The following RNF213 variants were observed in gnomAD, a reference collection of about 807,000 sequenced individuals.
RNF213 encodes ring finger protein 213.
Under a neutral mutation model 514.4 loss-of-function variants are expected in RNF213, and 341 were observed. The ratio of observed to expected loss-of-function variants is 0.66; its 90% CI spans 0.61 to 0.73. RNF213 has a LOEUF of 0.73. RNF213 is among the 30% of genes least tolerant of loss of function. The pLI, the probability that RNF213 is intolerant of heterozygous loss-of-function variation, is 0.00. For missense variants in RNF213, 5,767 were observed against 6,615.6 expected (o/e 0.87, Z 4.45); for synonymous variants, 2,655 against 2,658.2 (o/e 1.00, Z 0.04).
intron 3 of RNF213, among the ~76,000 whole-genome samples, chr17:80,280,196 G>C (rs1016692119): frequency 1.3e-5 from 2 of 152,194 alleles, no homozygotes; most frequent in African/African-American, 4.8e-5. Flanking sequence ...GCACAGTGTG[G>C]GTGGAGAGCT....
intron 3 of RNF213, among the ~76,000 whole-genome samples, chr17:80,277,229 A>T (rs2044095154): frequency 6.6e-6 from 1 of 152,120 alleles, no homozygotes; most frequent in Admixed American, 6.6e-5. Flanking sequence ...GAGACAGAAC[A>T]CAGATTAGTG....
At chr17:80,385,877 G>A (rs763699377) in intron 61 of RNF213, among the ~76,000 whole-genome samples, 5 of 152,128 alleles carry the variant, frequency 3.3e-5, no homozygotes, top group Non-Finnish European at 4.4e-5. Context: ...TGTTGCCCAG[G>A]CTGGTCTCAA....
intron 38 of RNF213, 124 bp downstream of exon 38, chr17:80,360,330 T>A (rs2079008238): frequency 1.7e-6 from 2 of 1,144,602 alleles, no homozygotes. Context: ...GTTTTCACAC[T>A]TTGTTTGTGC....
At chr17:80,275,909 G>A (rs891057075) in intron 3 of RNF213, among the ~76,000 whole-genome samples, 24 of 150,802 alleles carry the variant, frequency 1.6e-4, no homozygotes, top group Admixed American at 1.1e-3. Context: ...TGATCCACCC[G>A]CCTCGGCCTC....
chr17:80,356,871 T>C (rs1225537532), intron 36 of RNF213, among the ~76,000 whole-genome samples: 1 of 152,016 alleles, frequency 6.6e-6, no homozygotes, highest in Non-Finnish European at 1.5e-5. Flanking sequence ...TTCTTTTTAT[T>C]CTCTTCAAAA....
rs559462216 is a variant in RNF213 at position 80,353,074 on chromosome 17, G to A, written c.10423+15G>A. 3.4e-5 allele frequency: 54 copies of A among 1,610,212 alleles called. No individual in the cohort carries two copies. The South Asian group carries it at 4.3e-4, about 13-fold the overall frequency. On this transcript the variant is annotated intron_variant, in intron 33 of 67. Transcript: ENST00000582970. This position sits in a 1 kb window ranked among gnomAD's most constrained non-coding sequence, Gnocchi z 5.0. Reference sequence around the variant, plus strand: ...CTTGCCTGAGCGTGAGTCACGAGGCGGAGCCCCTGGGGGAGCAGGTGGTGG... The same window carrying A: ...CTTGCCTGAGCGTGAGTCACGAGGCAGAGCCCCTGGGGGAGCAGGTGGTGG...
rs1377861655 is a variant in RNF213, at chr17:80,263,905, AC to A, written c.97+128del. The A allele has an allele frequency of 1.4e-6, 1 of 729,424 alleles. No individual in the cohort carries two copies. 45.2% of individuals were successfully genotyped at this position (729,424 alleles called of 1,614,324 possible). A position where few individuals can be genotyped will look rare whatever the true frequency, so the allele number is the denominator to read the frequency against. On this transcript the variant is annotated intron_variant, in intron 2 of 67. Coordinates refer to ENST00000582970, the MANE Select transcript of RNF213 (RefSeq NM_001256071.3). This position sits in a 1 kb window ranked among gnomAD's most constrained non-coding sequence, Gnocchi z 4.9. ...GGTGGGGCCGAGGTCCTCTGTGGCTACTGAGGCTCTGTGGCTCTGAATAGCC... is the reference window on the plus strand; with the variant it reads ...GGTGGGGCCGAGGTCCTCTGTGGCTATGAGGCTCTGTGGCTCTGAATAGCC...
At chr17:80,285,860 T>C (rs2044454326) in intron 3 of RNF213, among the ~76,000 whole-genome samples, 1 of 152,094 alleles carries the variant, frequency 6.6e-6, no homozygotes, top group South Asian at 2.1e-4. Flanking sequence ...TTAGTAGAGA[T>C]GGGGAGGATC....
At chr17:80,390,264 T>C (rs892704386) in intron 67 of RNF213, 68 bp downstream of exon 67, 4 of 1,506,390 alleles carry the variant, frequency 2.7e-6, no homozygotes, top group Admixed American at 1.7e-5. Flanking sequence ...TGATCTTCTA[T>C]AGACACAAAA....
chr17:80,303,067 TC>T (rs1198610582), intron 11 of RNF213, among the ~76,000 whole-genome samples: 1 of 152,224 alleles, frequency 6.6e-6, no homozygotes, highest in African/African-American at 2.4e-5. Flanking sequence ...AAGAGCACCT[TC>T]CTTGTGCCAG....
rs766402911 is a variant in RNF213, at chr17:80,372,647, T to A, written c.12664T>A (p.Ser4222Thr). ...GGGCCGAGAGCCTGCCAACGAGGCC[T>A]CGGTTGAATACCTGCAAGAGGTGGC... is the stretch of plus-strand genomic sequence containing the variant. The part of the protein sequence containing the change: ...SRGREPANEA[S>T]VEYLQEVARI... Residue 4222 changes from serine to threonine, a missense_variant, in exon 48 of 68, where the codon TCG (serine) becomes ACG (threonine). Ser to Thr is a moderately conservative substitution (Grantham distance 58). Around this residue, in one of 13 missense-constraint regions of RNF213, gnomAD observed 1,245 missense variants for 1,339.0 expected, o/e 0.93. Coordinates refer to ENST00000582970, the MANE Select transcript of RNF213 (RefSeq NM_001256071.3). The A allele has an allele frequency of 1.9e-6, 3 of 1,614,092 alleles. No individual in the cohort carries two copies. The Admixed American group carries it at 5.0e-5, about 27-fold the overall frequency.
Position 80,381,624 on chromosome 17 carries a change from G to A in RNF213, c.13875G>A (p.Glu4625=). The A allele has an allele frequency of 6.2e-7, 1 of 1,614,266 alleles. No individual in the cohort carries two copies. Among genetic ancestry groups the A allele is most frequent in the Non-Finnish European group, 8.5e-7 (1 of 1,180,058 alleles). Residue 4625 remains glutamate (E), a synonymous_variant, in exon 57 of 68, where the codon GAG becomes GAA. Transcript: ENST00000582970. ...FLQQHILKDL[E]QLAKMLGHSA... ...AGCAGCACATCCTGAAGGACCTGGA[G>A]CAGTTGGCCAAGATGCTGGGACACA...
rs1427103288 is a variant in RNF213 at position 80,354,034 on chromosome 17, A to C, written c.10594A>C (p.Thr3532Pro). ...CCACCAACAGGTGTCGATCCTGGAC[A>C]CCACCAGGCTGCTGAGAAGCTGTGT... ...LGGSDVSILD[T>P]TRLLRSCVQS... The change falls in exon 35 of 68, where the codon ACC becomes CCC. Residue 3532 changes from threonine to proline, a missense_variant. This residue lies in a region of RNF213 where 919 missense variants were observed against 1,121.0 expected (regional missense o/e 0.82). Coordinates refer to ENST00000582970, the MANE Select transcript of RNF213 (RefSeq NM_001256071.3). 3.1e-6 allele frequency: 5 copies of C among 1,613,772 alleles called. No individual in the cohort carries two copies. The highest frequency in any genetic ancestry group is 4.2e-6 in the Non-Finnish European group (5 of 1,180,038).
chr17:80,376,863 C>T lies in RNF213; in HGVS notation c.13429-19C>T. 2 of 1,610,644 alleles carry T rather than the reference C, an allele frequency of 1.2e-6. No homozygotes were observed. Among genetic ancestry groups the T allele is most frequent in the Non-Finnish European group, 1.7e-6 (2 of 1,177,360 alleles). ...CAAGCTCACTTATCTAGAGCTGTCT[C>T]TGTCTTCTTGTTTTTCAGCATGCTT... On this transcript the variant is annotated intron_variant, in intron 52 of 67. Transcript: ENST00000582970.
intron 38 of RNF213, among the ~76,000 whole-genome samples, chr17:80,360,891 GTC>G (rs2079030544): frequency 6.6e-6 from 1 of 152,160 alleles, no homozygotes; most frequent in South Asian, 2.1e-4. Context: ...TCTCAAAGCA[GTC>G]TCTCTCCTCA....
chr17:80,304,399 G>A (rs2045285180), intron 11 of RNF213, among the ~76,000 whole-genome samples: 1 of 152,112 alleles, frequency 6.6e-6, no homozygotes, highest in Non-Finnish European at 1.5e-5. Context: ...CCAGCACTTT[G>A]GGAGGCCAAG....
chr17:80,311,326 G>A (rs1467698281), intron 14 of RNF213, among the ~76,000 whole-genome samples: 2 of 152,220 alleles, frequency 1.3e-5, no homozygotes, highest in Non-Finnish European at 2.9e-5. Flanking sequence ...GGAGAACAAG[G>A]TGCCCGTGTC....
At chr17:80,342,150 A>T (rs2078171654) in intron 26 of RNF213, 1 of 152,274 alleles carries the variant, frequency 6.6e-6, no homozygotes, top group African/African-American at 2.4e-5. Context: ...TCCCCACTGT[A>T]TGTAGGATGC....
At chr17:80,328,613 G>C (rs1480404357) in intron 20 of RNF213, 136 bp downstream of exon 20, 22 of 765,910 alleles carry the variant, frequency 2.9e-5, no homozygotes, top group Non-Finnish European at 3.5e-5. Context: ...TGCATTTGCT[G>C]GGGGGATCGC....
Sources: gnomAD v4.1 joint callset for allele counts (sites outside exome capture counted in the v4.1 genomes callset) on GRCh38, gnomAD v4.1.1 for gene constraint, gnomAD v4.1.1 regional missense constraint, Gnocchi (gnomAD v3.1) non-coding constraint, MANE v1.5 for transcripts, NCBI Gene and HGNC (gene_info 2026-07-23, HGNC 2026-07-21) for gene names.